The following SLC35G2 variants were observed in gnomAD, a reference collection of about 807,000 sequenced individuals.
SLC35G2 encodes solute carrier family 35 member G2, also known as transmembrane protein 22.
SLC35G2 carries 20 observed loss-of-function variants against 27.2 expected under a neutral mutation model. The ratio of observed to expected loss-of-function variants is 0.74; its 90% CI spans 0.52 to 1.07. The LOEUF (loss-of-function observed/expected upper bound fraction) is 1.07, where lower values mean the gene tolerates loss of function less well. Among genes scored for constraint, SLC35G2 ranks in the 50% least tolerant of loss-of-function variants. SLC35G2 has a pLI of 0.00. For missense variants in SLC35G2, 416 were observed against 493.3 expected (o/e 0.84, Z 1.48); for synonymous variants, 148 against 165.3 (o/e 0.90, Z 0.80).
intron 1 of SLC35G2, among the ~76,000 whole-genome samples, chr3:136,852,333 A>C (rs1937688429): frequency 6.6e-6 from 1 of 152,136 alleles, no homozygotes; most frequent in Admixed American, 6.5e-5. Flanking sequence ...CCTTTTAGAA[A>C]AGAAAGGAGT....
rs770284655 is a variant in SLC35G2, at chr3:136,855,112, A to G, written c.652A>G (p.Met218Val). The G allele has an allele frequency of 1.9e-6, 3 of 1,614,068 alleles. No individual in the cohort carries two copies. The highest frequency in any genetic ancestry group is 2.5e-6 in the Non-Finnish European group (3 of 1,180,054). Residue 218 changes from methionine to valine, a missense_variant, in exon 2 of 2, where the codon ATG (methionine) becomes GTG (valine). Physicochemically the swap from Met to Val is conservative, Grantham distance 21 (BLOSUM62 1). Coordinates refer to ENST00000446465, the MANE Select transcript of SLC35G2 (RefSeq NM_025246.3). Reference sequence around the variant, plus strand: ...GGCTTTTTTACTCGTAGATGAGAAAATGGCTTATGTTGACATGGCTACAGT... The same window carrying G: ...GGCTTTTTTACTCGTAGATGAGAAAGTGGCTTATGTTGACATGGCTACAGT... ...ILAFLLVDEKMAYVDMATVVC... is the reference protein window; with the variant it reads ...ILAFLLVDEKVAYVDMATVVC...
chr3:136,854,627 G>T lies in SLC35G2; in HGVS notation c.167G>T (p.Gly56Val), dbSNP rs778031506. Residue 56 changes from glycine to valine, a missense_variant, in exon 2 of 2, where the codon GGT (glycine) becomes GTT (valine). By Grantham distance (109) the Gly-to-Val change is moderately radical. Transcript: ENST00000446465. ...TTTATGGAGGAAAATCCAAAGAAAG[G>T]TCTGCTGAGTGAAATGAAAAAAAAA... is the stretch of plus-strand genomic sequence containing the variant. Reference protein sequence around the residue: ...GNFMEENPKKGLLSEMKKKGR... With the variant: ...GNFMEENPKKVLLSEMKKKGR... 9.9e-6 allele frequency: 16 copies of T among 1,613,134 alleles called. No homozygotes were observed. The highest frequency in any genetic ancestry group is 9.4e-5 in the African/African-American group (7 of 74,732).
intron 1 of SLC35G2, among the ~76,000 whole-genome samples, chr3:136,834,758 T>C (rs753265755): frequency 6.6e-6 from 1 of 152,250 alleles, no homozygotes; most frequent in Non-Finnish European, 1.5e-5. Flanking sequence ...TTAACTCATG[T>C]ACTTTTCCCC....
intron 1 of SLC35G2, among the ~76,000 whole-genome samples, chr3:136,832,198 T>C (rs989184843): frequency 1.3e-5 from 2 of 152,140 alleles, no homozygotes; most frequent in Non-Finnish European, 2.9e-5. Flanking sequence ...GTATTTTTAG[T>C]AGAGATGGGG....
At chr3:136,842,869 A>C (rs899366871) in intron 1 of SLC35G2, 4 of 152,274 alleles carry the variant, frequency 2.6e-5, no homozygotes, top group Non-Finnish European at 5.9e-5. Context: ...AGGAGTGGAC[A>C]TGGCAGCTTA....
intron 1 of SLC35G2, among the ~76,000 whole-genome samples, chr3:136,825,310 G>T (rs1936558452): frequency 7.0e-6 from 1 of 143,828 alleles, no homozygotes. Context: ...GTGCCATCTT[G>T]GCTCACTGTA....
intron 1 of SLC35G2, chr3:136,820,227 G>GTCCAGAGGGCTGGGGGTAGC (rs1560008163): frequency 6.6e-6 from 1 of 152,406 alleles, no homozygotes; most frequent in Non-Finnish European, 1.5e-5. Context: ...CTGGGGGTAG[G>GTCCAGAGGGCTGGGGGTAGC]TCCAGAGGGC....
chr3:136,834,641 A>G (rs1016680090), intron 1 of SLC35G2, among the ~76,000 whole-genome samples: 1 of 152,290 alleles, frequency 6.6e-6, no homozygotes, highest in Admixed American at 6.5e-5. Context: ...TTTAAAATTC[A>G]GGACTTCATC....
At chr3:136,827,563 G>GTTTTTCCTCTTT (rs1183979327) in intron 1 of SLC35G2, among the ~76,000 whole-genome samples, 2 of 152,104 alleles carry the variant, frequency 1.3e-5, no homozygotes, top group East Asian at 3.9e-4. Flanking sequence ...CGTATTTGAA[G>GTTTTTCCTCTTT]TTTTTCCTCT....
Position 136,838,284 on chromosome 3 carries a change from A to ATAT in SLC35G2, c.-18-16159_-18-16158insTAT, listed in dbSNP as rs1560013705. 1,078 of 109,520 alleles carry ATAT rather than the reference A, an allele frequency of 9.8e-3. 30 individuals are homozygous for ATAT. The highest frequency in any genetic ancestry group is 0.012 in the Middle Eastern group (2 of 168). The allele number at this position is 109,520 out of a possible 1,614,324, so 6.8% of individuals were successfully genotyped here. On this transcript the variant is annotated intron_variant, in intron 1 of 1. Coordinates refer to ENST00000446465, the MANE Select transcript of SLC35G2 (RefSeq NM_025246.3). ...ATATATATATATATATATATATATA[A>ATAT]ATGCACACACAACGTGTGTGTGCTT...
At chr3:136,821,538 C>T (rs1936456936) in intron 1 of SLC35G2, among the ~76,000 whole-genome samples, 1 of 152,114 alleles carries the variant, frequency 6.6e-6, no homozygotes, top group Non-Finnish European at 1.5e-5. Flanking sequence ...CCTCTGCCTC[C>T]CGGGTTCAAG....
At chr3:136,839,045 C>T (rs1268717837) in intron 1 of SLC35G2, 1 of 151,790 alleles carries the variant, frequency 6.6e-6, no homozygotes, top group African/African-American at 2.4e-5. Context: ...ATGGCTCCTT[C>T]CTACCCTTAA....
chr3:136,829,669 G>A (rs1231228853), intron 1 of SLC35G2, among the ~76,000 whole-genome samples: 1 of 151,422 alleles, frequency 6.6e-6, no homozygotes, highest in Non-Finnish European at 1.5e-5. Flanking sequence ...ATGCTTGAAG[G>A]ATATTTGCAC....
intron 1 of SLC35G2, among the ~76,000 whole-genome samples, chr3:136,846,852 G>C (rs1026166755): frequency 6.6e-6 from 1 of 152,162 alleles, no homozygotes; most frequent in Non-Finnish European, 1.5e-5. Context: ...CAAAATTTCT[G>C]AGTCTTAAAT....
intron 1 of SLC35G2, among the ~76,000 whole-genome samples, chr3:136,847,231 G>A (rs1341131369): frequency 6.6e-6 from 1 of 151,638 alleles, no homozygotes; most frequent in Non-Finnish European, 1.5e-5. Flanking sequence ...AGTTTCCTGG[G>A]GCCACGTGAA....
Position 136,843,322 on chromosome 3 carries a change from C to CAAAAAAAAA in SLC35G2, c.-18-11100_-18-11092dup, listed in dbSNP as rs36115986. The CAAAAAAAAA allele has an allele frequency of 3.2e-4, 8 of 25,276 alleles. 1 individual carries two copies. Among genetic ancestry groups the CAAAAAAAAA allele is most frequent in the African/African-American group, 1.7e-3 (8 of 4,728 alleles). The allele number at this position is 25,276 out of a possible 1,614,324, so 1.6% of individuals were successfully genotyped here. A position where few individuals can be genotyped will look rare whatever the true frequency, so the allele number is the denominator to read the frequency against. ...TGGGTGACAGTGCGAGACTCTGTCT[C>CAAAAAAAAA]AAAAAAAAAAAAAAAAAAAAAAAAA... On this transcript the variant is annotated intron_variant, in intron 1 of 1. Transcript: ENST00000446465.
intron 1 of SLC35G2, among the ~76,000 whole-genome samples, chr3:136,848,074 G>C (rs1937474824): frequency 6.6e-6 from 1 of 152,176 alleles, no homozygotes; most frequent in Non-Finnish European, 1.5e-5. Flanking sequence ...AAAAAATCAT[G>C]AACAGGCTAG....
rs1294940317 is a variant in SLC35G2, at chr3:136,854,440, T to C, written c.-18-3T>C. On this transcript the variant is annotated splice_polypyrimidine_tract_variant and splice_region_variant and intron_variant, in intron 1 of 1. Coordinates refer to ENST00000446465, the MANE Select transcript of SLC35G2 (RefSeq NM_025246.3). ...CTTTTTGTCAATTTTTTTCTTTAAATAGAATTGATTATCTGAAGAAATGGA... is the reference window on the plus strand; with the variant it reads ...CTTTTTGTCAATTTTTTTCTTTAAACAGAATTGATTATCTGAAGAAATGGA... 3 of 1,535,908 alleles carry C rather than the reference T, an allele frequency of 2.0e-6. No homozygotes were observed. Among genetic ancestry groups the C allele is most frequent in the Non-Finnish European group, 1.8e-6 (2 of 1,138,232 alleles).
chr3:136,855,757 T>C lies in SLC35G2; in HGVS notation c.*58T>C. 7.6e-7 allele frequency: 1 copy of C among 1,310,546 alleles called. No homozygotes were observed. Among genetic ancestry groups the C allele is most frequent in the Middle Eastern group, 2.5e-4 (1 of 4,038 alleles). 81.2% of individuals were successfully genotyped at this position (1,310,546 alleles called of 1,614,324 possible). ...GTTATTATGTATACTGCCATTTTAA[T>C]GTTTACCTATGAATGTCTTTTGTGT... On this transcript the variant is annotated 3_prime_UTR_variant, in exon 2 of 2. Transcript: ENST00000446465.
Sources: allele counts gnomAD v4.1 joint callset (sites outside exome capture counted in the v4.1 genomes callset), GRCh38; gene constraint gnomAD v4.1.1; transcripts MANE v1.5; gene names NCBI Gene and HGNC (gene_info 2026-07-23, HGNC 2026-07-21).